NTM: variants seen among roughly 807,000 people sequenced by gnomAD.
NTM encodes IgLON family member 2.
A neutral mutation model predicts 42.1 loss-of-function variants in NTM; 13 were observed. The observed-to-expected ratio is 0.31, with a 90% CI of 0.20 to 0.49. NTM has a LOEUF of 0.49. Among genes scored for constraint, NTM ranks in the 20% least tolerant of loss-of-function variants. NTM has a pLI of 0.99. For synonymous variants in NTM, 187 were observed against 179.2 expected, an observed-to-expected ratio of 1.04 and a Z score of -0.35; for missense variants, 373 against 452.8, an observed-to-expected ratio of 0.82 and a Z score of 1.60.
intron 1 of NTM, among the ~76,000 whole-genome samples, chr11:131,608,569 G>A (rs781301368): frequency 6.6e-6 from 1 of 152,208 alleles, no homozygotes; most frequent in Non-Finnish European, 1.5e-5. Flanking sequence ...TGACCCCAGA[G>A]GCTGTGCCTT....
chr11:131,762,471 G>A (rs1301268676), intron 1 of NTM, among the ~76,000 whole-genome samples: 1 of 152,208 alleles, frequency 6.6e-6, no homozygotes, highest in African/African-American at 2.4e-5. Flanking sequence ...CAGATGGGCA[G>A]TGTGGGCTGC....
rs538158575 is a variant in NTM at position 132,069,257 on chromosome 11, AC to A, written c.168-77023del. On this transcript the variant is annotated intron_variant, in intron 2 of 8. Coordinates refer to ENST00000683400, the MANE Select transcript of NTM (RefSeq NM_001352005.2). ...TCAGCCAAGTTAACACGTCACACTG[AC>A]CATCACAGATTAGTTAACACGTCAC... Among the ~76,000 whole-genome samples, 153 of 149,918 alleles carry A rather than the reference AC, an allele frequency of 1.0e-3. 1 individual carries two copies. The highest frequency in any genetic ancestry group is 3.7e-3 in the African/African-American group (151 of 40,290).
chr11:131,873,575 A>ATATATATACCGTATATATATACG (rs2048052201), intron 1 of NTM, among the ~76,000 whole-genome samples: 2 of 54,320 alleles, frequency 3.7e-5, no homozygotes, highest in African/African-American at 1.2e-4. Context: ...ATATATATAC[A>ATATATATACCGTATATATATACG]TATATATATA....
chr11:131,972,262 C>T (rs536150638), intron 2 of NTM, among the ~76,000 whole-genome samples: 11 of 151,766 alleles, frequency 7.2e-5, no homozygotes, highest in Non-Finnish European at 7.4e-5. Flanking sequence ...AAGTTACCTT[C>T]TTCATAGGGA....
chr11:132,013,803 C>T (rs966645577), intron 2 of NTM, among the ~76,000 whole-genome samples: 2 of 151,920 alleles, frequency 1.3e-5, no homozygotes, highest in Non-Finnish European at 2.9e-5. Context: ...TATTTTGTTA[C>T]GTGTATAGAA....
At chr11:132,124,122 G>A (rs778517778) in intron 2 of NTM, among the ~76,000 whole-genome samples, 6 of 152,136 alleles carry the variant, frequency 3.9e-5, no homozygotes, top group Non-Finnish European at 4.4e-5. Context: ...ATAGTGCCTG[G>A]CACACTCCAG....
At chr11:131,591,187 G>T (rs1392053084) in intron 1 of NTM, among the ~76,000 whole-genome samples, 1 of 152,192 alleles carries the variant, frequency 6.6e-6, no homozygotes, top group Non-Finnish European at 1.5e-5. Context: ...CCACCGCAGG[G>T]TTCTCTGCTC....
chr11:131,796,714 G>A (rs1251497532), intron 1 of NTM, among the ~76,000 whole-genome samples: 1 of 152,220 alleles, frequency 6.6e-6, no homozygotes, highest in Non-Finnish European at 1.5e-5. Context: ...CTCGACATCA[G>A]CGCATGCGTA....
chr11:131,691,664 C>G (rs756916642), intron 1 of NTM, among the ~76,000 whole-genome samples: 7 of 152,156 alleles, frequency 4.6e-5, no homozygotes, highest in South Asian at 2.1e-4. Context: ...AGATGGCAAC[C>G]CCAGGGCGCA....
At chr11:131,641,416 G>T (rs920582195) in intron 1 of NTM, among the ~76,000 whole-genome samples, 1 of 152,184 alleles carries the variant, frequency 6.6e-6, no homozygotes, top group African/African-American at 2.4e-5. Context: ...AGACTGAAGG[G>T]ATCGTCTCTG....
intron 1 of NTM, among the ~76,000 whole-genome samples, chr11:131,712,831 C>T (rs1326016951): frequency 6.6e-6 from 1 of 152,074 alleles, no homozygotes; most frequent in Non-Finnish European, 1.5e-5. Context: ...AATCCACCCA[C>T]CTCAGGCTCC....
At chr11:131,371,490 G>A (rs997104452) in intron 1 of NTM, among the ~76,000 whole-genome samples, 1 of 152,202 alleles carries the variant, frequency 6.6e-6, no homozygotes, top group Non-Finnish European at 1.5e-5. Flanking sequence ...GGTCGGAGGT[G>A]TGGAAGCGAG....
chr11:131,856,108 G>A (rs1419586536), intron 1 of NTM, among the ~76,000 whole-genome samples: 4 of 152,252 alleles, frequency 2.6e-5, no homozygotes, highest in Admixed American at 2.6e-4. Flanking sequence ...TTGGAGCACT[G>A]GTACTTGCTG....
intron 1 of NTM, among the ~76,000 whole-genome samples, chr11:131,780,500 T>C (rs2087880892): frequency 2.0e-5 from 3 of 152,154 alleles, no homozygotes; most frequent in Admixed American, 2.0e-4. Flanking sequence ...GGTGTATGGG[T>C]CTGAGATCAC....
At chr11:131,381,116 G>A (rs1252360902) in intron 1 of NTM, among the ~76,000 whole-genome samples, 2 of 152,204 alleles carry the variant, frequency 1.3e-5, no homozygotes, top group East Asian at 1.9e-4. Flanking sequence ...CAGATCAGTA[G>A]GGGAAGGGGG....
At chr11:132,329,272 C>G (rs75114539) in intron 7 of NTM, among the ~76,000 whole-genome samples, 1 of 152,172 alleles carries the variant, frequency 6.6e-6, no homozygotes, top group South Asian at 2.1e-4. Context: ...CCAGGGTGAA[C>G]GACAAAGAGG....
intron 4 of NTM, among the ~76,000 whole-genome samples, chr11:132,281,275 C>G (rs1463213768): frequency 6.6e-6 from 1 of 152,128 alleles, no homozygotes; most frequent in Non-Finnish European, 1.5e-5. Flanking sequence ...TAATCACAAG[C>G]CTGAAGGTTT....
chr11:131,760,740 C>T (rs2084032901), intron 1 of NTM, among the ~76,000 whole-genome samples: 1 of 152,114 alleles, frequency 6.6e-6, no homozygotes, highest in Non-Finnish European at 1.5e-5. Flanking sequence ...AACACAAGGG[C>T]CTTTGAAGTG....
At position 131,722,021 on chromosome 11, in the gene NTM, A is replaced by AAAAAAG. The variant is rs368857349; in HGVS notation, c.83-189542_83-189541insAAAAGA. On this transcript the variant is annotated intron_variant, in intron 1 of 8. Transcript: ENST00000683400. ...CAAAAAAAAAAAAAAAAAAAAAAAA[A>AAAAAAG]AGAGAGAAAGAAAGAAAATAATGCT... 5.0e-4 allele frequency among the ~76,000 whole-genome samples: 56 copies of AAAAAAG among 112,812 alleles called. 4 individuals are homozygous for AAAAAAG. Among genetic ancestry groups the AAAAAAG allele is most frequent in the East Asian group, 1.1e-3 (4 of 3,552 alleles). The allele number at this position is 112,812 out of a possible 152,430, so 74.0% of individuals were successfully genotyped here. A position where few individuals can be genotyped will look rare whatever the true frequency, so the allele number is the denominator to read the frequency against.
Sources: gnomAD v4.1 joint callset for allele counts (sites outside exome capture counted in the v4.1 genomes callset) on GRCh38, gnomAD v4.1.1 for gene constraint, MANE v1.5 for transcripts, NCBI Gene and HGNC (gene_info 2026-07-23, HGNC 2026-07-21) for gene names.